Variants in GRIP1 observed in about 807,000 individuals in gnomAD.
GRIP1 encodes the protein glutamate receptor interacting protein 1, also known as glutamate receptor-interacting protein 1.
GRIP1 carries 45 observed loss-of-function variants against 129.9 expected under a neutral mutation model. The ratio of observed to expected loss-of-function variants is 0.35; its 90% CI spans 0.27 to 0.44. The LOEUF (loss-of-function observed/expected upper bound fraction) is 0.44, where lower values mean the gene tolerates loss of function less well. GRIP1 is among the 20% of genes least tolerant of loss of function. GRIP1 has a pLI of 1.00. For synonymous variants in GRIP1, 530 were observed against 520.8 expected, an observed-to-expected ratio of 1.02 and a Z score of -0.24; for missense variants, 1,196 against 1,396.8, an observed-to-expected ratio of 0.86 and a Z score of 2.29.
At chr12:66,718,735 CCAG>C (rs2035968255) in intron 1 of GRIP1, among the ~76,000 whole-genome samples, 3 of 152,058 alleles carry the variant, frequency 2.0e-5, no homozygotes, top group Non-Finnish European at 4.4e-5. Flanking sequence ...ACCTGTAATC[CCAG>C]CTACTCTGGA....
At chr12:66,686,285 A>G (rs1478478945) in intron 1 of GRIP1, among the ~76,000 whole-genome samples, 1 of 152,198 alleles carries the variant, frequency 6.6e-6, no homozygotes, top group Non-Finnish European at 1.5e-5. Flanking sequence ...CTAGTTGTTC[A>G]CTGAAGTCAG....
chr12:67,051,641 A>T (rs1305189751), intron 1 of GRIP1, among the ~76,000 whole-genome samples: 1 of 152,218 alleles, frequency 6.6e-6, no homozygotes, highest in African/African-American at 2.4e-5. Flanking sequence ...GCTAGTCATG[A>T]GTGGAATGGA....
intron 1 of GRIP1, among the ~76,000 whole-genome samples, chr12:66,905,744 C>G (rs1292674846): frequency 1.3e-5 from 2 of 152,156 alleles, no homozygotes; most frequent in Non-Finnish European, 2.9e-5. Context: ...TTTAAAGTGA[C>G]AGACTAAGTT....
At chr12:66,896,026 T>G (rs530100645) in intron 1 of GRIP1, among the ~76,000 whole-genome samples, 2 of 152,318 alleles carry the variant, frequency 1.3e-5, no homozygotes, top group African/African-American at 4.8e-5. Context: ...ATTAACAAAT[T>G]TTTAGACAAA....
intron 1 of GRIP1, among the ~76,000 whole-genome samples, chr12:66,950,063 A>G (rs1234062412): frequency 6.6e-6 from 1 of 152,156 alleles, no homozygotes; most frequent in Non-Finnish European, 1.5e-5. Flanking sequence ...GGCGTGAGCC[A>G]CCACGCCCGG....
intron 1 of GRIP1, among the ~76,000 whole-genome samples, chr12:66,813,661 C>T (rs2039148891): frequency 1.3e-5 from 2 of 152,086 alleles, no homozygotes; most frequent in Admixed American, 1.3e-4. Context: ...ACCTTTGATA[C>T]AGCATGAACA....
chr12:66,591,171 T>C (rs1005591077), intron 2 of GRIP1, among the ~76,000 whole-genome samples: 24 of 151,964 alleles, frequency 1.6e-4, no homozygotes, highest in African/African-American at 5.6e-4. Context: ...ATAACTACTA[T>C]GGAAAACAAA....
chr12:66,690,805 T>A (rs1276534265), intron 1 of GRIP1, among the ~76,000 whole-genome samples: 1 of 151,588 alleles, frequency 6.6e-6, no homozygotes, highest in Admixed American at 6.6e-5. Context: ...TTGTGGTGTG[T>A]GCCTGTAGTC....
intron 1 of GRIP1, among the ~76,000 whole-genome samples, chr12:66,974,691 G>A (rs970026077): frequency 6.6e-5 from 10 of 152,266 alleles, no homozygotes; most frequent in Admixed American, 2.6e-4. Flanking sequence ...TACAGTAAGC[G>A]TTCAACAAAT....
chr12:66,379,549 A>G, intron 19 of GRIP1, 113 bp from the exon 20 acceptor site: 1 of 1,015,172 alleles, frequency 9.9e-7, no homozygotes, highest in Non-Finnish European at 1.6e-6. Flanking sequence ...CAATAACAAT[A>G]GTGAACACAT....
At chr12:66,663,891 C>T (rs971169869) in intron 1 of GRIP1, among the ~76,000 whole-genome samples, 6 of 152,164 alleles carry the variant, frequency 3.9e-5, no homozygotes, top group African/African-American at 1.2e-4. Context: ...CTAAGAATGG[C>T]TGGTGCATCT....
At chr12:66,936,010 A>C (rs1372535560) in intron 1 of GRIP1, among the ~76,000 whole-genome samples, 1 of 152,128 alleles carries the variant, frequency 6.6e-6, no homozygotes, top group African/African-American at 2.4e-5. Context: ...ACACCATGTA[A>C]TGAAACAAAC....
At chr12:66,968,377 G>T (rs1223234553) in intron 1 of GRIP1, among the ~76,000 whole-genome samples, 1 of 138,948 alleles carries the variant, frequency 7.2e-6, no homozygotes, top group Non-Finnish European at 1.6e-5. Flanking sequence ...ATTTGCCTAC[G>T]ACTCTAGGTT....
At chr12:66,492,393 G>C (rs1324816071) in intron 7 of GRIP1, among the ~76,000 whole-genome samples, 1 of 152,042 alleles carries the variant, frequency 6.6e-6, no homozygotes, top group African/African-American at 2.4e-5. Context: ...CTAAAGATGG[G>C]ACTAGATTTT....
chr12:66,464,954 C>CT (rs62769560), intron 8 of GRIP1, among the ~76,000 whole-genome samples: 8,207 of 93,540 alleles, frequency 0.088, 533 homozygotes, highest in East Asian at 0.21. Flanking sequence ...TTCTTTCTTT[C>CT]TTTTTTTTTT....
chr12:66,649,063 T>C (rs1372066305), intron 1 of GRIP1, among the ~76,000 whole-genome samples: 1 of 152,212 alleles, frequency 6.6e-6, no homozygotes, highest in African/African-American at 2.4e-5. Context: ...AACATTCTTG[T>C]AGTTTAAAAA....
chr12:66,852,495 T>C (rs1324602115), intron 1 of GRIP1, among the ~76,000 whole-genome samples: 1 of 151,378 alleles, frequency 6.6e-6, no homozygotes, highest in East Asian at 2.0e-4. Context: ...ACAAAGTGTG[T>C]ATATATACAC....
chr12:66,614,050 C>G (rs1482979600), intron 1 of GRIP1, among the ~76,000 whole-genome samples: 3 of 152,156 alleles, frequency 2.0e-5, no homozygotes, highest in Non-Finnish European at 4.4e-5. Context: ...TCCCACCTGC[C>G]TCACTGACCA....
chr12:66,462,874 C>T (rs986636498), intron 9 of GRIP1, 50 bp downstream of exon 9: 1 of 1,425,398 alleles, frequency 7.0e-7, no homozygotes. Context: ...CTAGAGGGAG[C>T]AACACTGTGA....
Sources: allele counts gnomAD v4.1 joint callset (sites outside exome capture counted in the v4.1 genomes callset), GRCh38; gene constraint gnomAD v4.1.1; transcripts MANE v1.5; gene names NCBI Gene and HGNC (gene_info 2026-07-23, HGNC 2026-07-21).